NEO1: variants seen among roughly 807,000 people sequenced by gnomAD.
The protein encoded by NEO1 is neogenin.
A neutral mutation model predicts 159.7 loss-of-function variants in NEO1; 63 were observed. That is an observed-to-expected ratio of 0.39 (90% confidence interval 0.32 to 0.49). The LOEUF is 0.49. Ranked by LOEUF, NEO1 falls within the 20% of genes least tolerant of loss-of-function variation. The probability of loss-of-function intolerance (pLI) is 0.85; values close to 1 mark genes in which losing one functional copy is unlikely to be tolerated. For synonymous variants in NEO1, 633 were observed against 662.0 expected (o/e 0.96, Z 0.67); for missense variants, 1,615 against 1,831.0 (o/e 0.88, Z 2.15).
intron 5 of NEO1, among the ~76,000 whole-genome samples, chr15:73,175,108 A>G (rs2035207964): frequency 6.6e-6 from 1 of 152,200 alleles, no homozygotes; most frequent in Non-Finnish European, 1.5e-5. Context: ...TTTTTTAAAA[A>G]AGGAAAGGGA....
chr15:73,116,659 A>G lies in NEO1; in HGVS notation c.250A>G (p.Ile84Val). The change falls in exon 2 of 29, where the codon ATT becomes GTT. Residue 84 changes from isoleucine (I) to valine (V), a missense_variant. Around this residue, in one of 3 missense-constraint regions of NEO1, gnomAD observed 1,018 missense variants for 1,115.4 expected, o/e 0.91. Coordinates refer to ENST00000261908, the MANE Select transcript of NEO1 (RefSeq NM_002499.4). ...CSAYSEPSPK[I>V]EWKKDGTFLN... is the part of the protein sequence containing the mutation. ...AGCATATTCTGAGCCTTCTCCAAAA[A>G]TTGAATGGAAAAAAGATGGAACTTT... 6.2e-7 allele frequency: 1 copy of G among 1,614,056 alleles called. No individual in the cohort carries two copies. The highest frequency in any genetic ancestry group is 8.5e-7 in the Non-Finnish European group (1 of 1,179,942).
chr15:73,223,360 T>C (rs1467857184), intron 7 of NEO1, among the ~76,000 whole-genome samples: 2 of 152,172 alleles, frequency 1.3e-5, no homozygotes, highest in African/African-American at 4.8e-5. Context: ...TGATGACCCA[T>C]CTAGTGCTGT....
At chr15:73,282,158 A>T (rs1235169325) in intron 22 of NEO1, among the ~76,000 whole-genome samples, 2 of 152,174 alleles carry the variant, frequency 1.3e-5, no homozygotes, top group Non-Finnish European at 1.5e-5. Context: ...CTCAGATCTG[A>T]ACTCAAATGC....
rs114511055 is a variant in NEO1, at chr15:73,069,670, A to G, written c.130+16865A>G. Among the ~76,000 whole-genome samples the G allele has an allele frequency of 6.5e-3, 990 of 152,104 alleles. 14 individuals are homozygous for G. The highest frequency in any genetic ancestry group is 0.023 in the African/African-American group (949 of 41,530). On this transcript the variant is annotated intron_variant, in intron 1 of 28. Coordinates refer to ENST00000261908, the MANE Select transcript of NEO1 (RefSeq NM_002499.4). ...TTTATATATTTTTATATATATACAC[A>G]TACGTATATATATACGCACACACGC...
intron 11 of NEO1, 55 bp from the exon 12 acceptor site, chr15:73,253,345 G>A: frequency 9.8e-7 from 1 of 1,020,202 alleles, no homozygotes; most frequent in South Asian, 1.6e-5. Context: ...ATCACATGAT[G>A]GGTGATGTAT....
At chr15:73,262,657 G>A (rs1240252199) in intron 15 of NEO1, among the ~76,000 whole-genome samples, 1 of 152,204 alleles carries the variant, frequency 6.6e-6, no homozygotes, top group Non-Finnish European at 1.5e-5. Context: ...TGGTAGGAAT[G>A]TTTGACAGTA....
rs551876430 is a variant in NEO1, at chr15:73,298,495, C to A, written c.4049C>A (p.Thr1350Asn). The A allele has an allele frequency of 6.2e-7, 1 of 1,614,222 alleles. No homozygotes were observed. Among genetic ancestry groups the A allele is most frequent in the African/African-American group, 1.3e-5 (1 of 75,056 alleles). Residue 1350 changes from threonine (T) to asparagine (N), a missense_variant, in exon 27 of 29, where the codon ACT becomes AAT. Thr to Asn is a moderately conservative substitution (Grantham distance 65). This residue lies in a region of NEO1 where 471 missense variants were observed against 498.9 expected (regional missense o/e 0.94). Coordinates refer to ENST00000261908, the MANE Select transcript of NEO1 (RefSeq NM_002499.4). ...GAAGATTCAGGCCAGAGTCTTCCCA[C>A]TGCCCATGTTCGCCCTTCCCACCCA... ...QEEDSGQSLPTAHVRPSHPLK... is the reference protein window; with the variant it reads ...QEEDSGQSLPNAHVRPSHPLK...
At chr15:73,251,420 G>T (rs2040058795) in intron 11 of NEO1, among the ~76,000 whole-genome samples, 1 of 151,700 alleles carries the variant, frequency 6.6e-6, no homozygotes, top group Non-Finnish European at 1.5e-5. Flanking sequence ...GGCTGAGGTG[G>T]GAGGGTCACC....
chr15:73,159,618 A>G (rs1233086453), intron 5 of NEO1, among the ~76,000 whole-genome samples: 2 of 152,136 alleles, frequency 1.3e-5, no homozygotes, highest in African/African-American at 2.4e-5. Context: ...CAGCCACTCC[A>G]TCATGACCTG....
intron 7 of NEO1, among the ~76,000 whole-genome samples, chr15:73,185,400 T>C (rs1351822655): frequency 6.6e-6 from 1 of 152,126 alleles, no homozygotes; most frequent in Non-Finnish European, 1.5e-5. Flanking sequence ...TTTGGTACCT[T>C]ATGCTCAGTT....
chr15:73,284,272 C>T (rs990035832), intron 23 of NEO1, among the ~76,000 whole-genome samples: 1 of 152,112 alleles, frequency 6.6e-6, no homozygotes, highest in Non-Finnish European at 1.5e-5. Flanking sequence ...GGGTGTTGCT[C>T]CGCTAGAGAA....
intron 5 of NEO1, among the ~76,000 whole-genome samples, chr15:73,171,120 A>G (rs2034934271): frequency 6.6e-6 from 1 of 152,202 alleles, no homozygotes; most frequent in Non-Finnish European, 1.5e-5. Context: ...GATTGCAGGA[A>G]AACCTTATAT....
intron 2 of NEO1, 80 bp downstream of exon 2, chr15:73,116,937 G>A: frequency 8.4e-7 from 1 of 1,189,514 alleles, no homozygotes; most frequent in East Asian, 2.4e-5. Context: ...TTCTCTTGGA[G>A]TTTTCTTTTA....
intron 5 of NEO1, chr15:73,162,725 G>T: frequency 5.9e-6 from 1 of 169,618 alleles, no homozygotes; most frequent in Non-Finnish European, 1.3e-5. Flanking sequence ...TAATTGGACT[G>T]CCTTCGTAAT....
chr15:73,131,138 G>A (rs1426957023), intron 4 of NEO1, among the ~76,000 whole-genome samples: 3 of 152,178 alleles, frequency 2.0e-5, no homozygotes, highest in Non-Finnish European at 2.9e-5. Context: ...AAGATCCAGA[G>A]TGTCATAACA....
At chr15:73,256,188 G>A (rs1021197425) in intron 13 of NEO1, 2 of 152,162 alleles carry the variant, frequency 1.3e-5, no homozygotes, top group African/African-American at 4.8e-5. Flanking sequence ...AGAGAACCAA[G>A]ATCTGGGGTC....
rs1196283871 is a variant in NEO1 at position 73,274,015 on chromosome 15, C to T, written c.3160+10C>T. ...TTCAGAACACCTAAAGGTAATGCTC[C>T]CCAAGCTGAGGGTTTTGTTGTGTGT... On this transcript the variant is annotated intron_variant, in intron 20 of 28. Transcript: ENST00000261908. 6.2e-6 allele frequency: 10 copies of T among 1,610,610 alleles called. No individual in the cohort carries two copies. The South Asian group carries it at 1.1e-4, about 18-fold the overall frequency.
At chr15:73,284,579 CTTTTTTT>C (rs948774194) in intron 23 of NEO1, among the ~76,000 whole-genome samples, 3 of 137,186 alleles carry the variant, frequency 2.2e-5, no homozygotes, top group African/African-American at 8.1e-5. Flanking sequence ...ATAGCTCTTC[CTTTTTTT>C]TTTTTTTTTT....
At chr15:73,091,300 G>T (rs910053910) in intron 1 of NEO1, among the ~76,000 whole-genome samples, 1 of 152,096 alleles carries the variant, frequency 6.6e-6, no homozygotes, top group South Asian at 2.1e-4. Flanking sequence ...ATGCAGTTAT[G>T]GTCTAGTATT....
Sources: allele counts gnomAD v4.1 joint callset (sites outside exome capture counted in the v4.1 genomes callset), GRCh38; gene constraint gnomAD v4.1.1; regional missense constraint gnomAD v4.1.1; transcripts MANE v1.5; gene names NCBI Gene and HGNC (gene_info 2026-07-23, HGNC 2026-07-21).